TP63: variants seen among roughly 807,000 people sequenced by gnomAD.
The protein encoded by TP63 is tumor protein 63.
A neutral mutation model predicts 82.8 loss-of-function variants in TP63; 17 were observed. The ratio of observed to expected loss-of-function variants is 0.21; its 90% CI spans 0.14 to 0.31. TP63 has a LOEUF of 0.31. Among genes scored for constraint, TP63 ranks in the 10% least tolerant of loss-of-function variants. The pLI is 1.00. For synonymous variants in TP63, 330 were observed against 321.7 expected (o/e 1.03, Z -0.28); for missense variants, 648 against 895.3 (o/e 0.72, Z 3.52).
chr3:189,708,788 T>C (rs1480892798), intron 1 of TP63, among the ~76,000 whole-genome samples: 6 of 152,190 alleles, frequency 3.9e-5, no homozygotes, highest in Admixed American at 1.3e-4. Flanking sequence ...AAAAATAATA[T>C]GCGAAGGAAG....
chr3:189,681,839 C>A (rs1222986225), intron 1 of TP63, among the ~76,000 whole-genome samples: 1 of 152,208 alleles, frequency 6.6e-6, no homozygotes, highest in Admixed American at 6.5e-5. Context: ...TCTATCCCCA[C>A]AGGCTGGAAT....
At chr3:189,735,823 T>C (rs1187492780) in intron 1 of TP63, among the ~76,000 whole-genome samples, 1 of 151,870 alleles carries the variant, frequency 6.6e-6, no homozygotes, top group East Asian at 1.9e-4. Flanking sequence ...TGTGATAAAA[T>C]TGTATAAAAT....
intron 1 of TP63, chr3:189,645,344 T>TCAG: frequency 1.9e-6 from 1 of 528,030 alleles, no homozygotes; most frequent in South Asian, 2.8e-5. Context: ...TTTCTTGAAG[T>TCAG]CTAGTAAGCA....
intron 3 of TP63, among the ~76,000 whole-genome samples, chr3:189,795,466 A>G (rs1576974627): frequency 6.6e-6 from 1 of 152,172 alleles, no homozygotes; most frequent in South Asian, 2.1e-4. Flanking sequence ...CAAACTGTTT[A>G]TGATAAAGGT....
At chr3:189,837,451 C>CAAATTAAGAAATTTTAAATTGAAATCTT (rs1560238650) in intron 4 of TP63, among the ~76,000 whole-genome samples, 1 of 148,604 alleles carries the variant, frequency 6.7e-6, no homozygotes, top group Non-Finnish European at 1.5e-5. Context: ...AATCCAATTT[C>CAAATTAAGAAATTTTAAATTGAAATCTT]AAATTAAGAA....
chr3:189,866,590 T>G (rs1717754758), intron 5 of TP63, 92 bp from the exon 6 acceptor site: 12 of 1,158,434 alleles, frequency 1.0e-5, no homozygotes, highest in South Asian at 3.9e-5. Flanking sequence ...GACTATTTCT[T>G]TTGCCACCAA....
chr3:189,891,063 T>C (rs992774594), intron 13 of TP63, among the ~76,000 whole-genome samples, 181 bp downstream of exon 13: 1 of 152,242 alleles, frequency 6.6e-6, no homozygotes, highest in African/African-American at 2.4e-5. Context: ...CTATACATAT[T>C]AGAAGCTTAG....
rs149396595 is a variant in TP63, at chr3:189,803,252, C to T, written c.325-5020C>T. 1.1e-3 allele frequency among the ~76,000 whole-genome samples: 172 copies of T among 152,204 alleles called. 2 individuals carry two copies. Among genetic ancestry groups the T allele is most frequent in the Non-Finnish European group, 1.8e-3 (122 of 68,014 alleles). On this transcript the variant is annotated intron_variant, in intron 3 of 13. Transcript: ENST00000264731. ...GGCAGAGGTTGTGGTGACCCAAGAT[C>T]GTGCCATTGCACTCCAGCCTGGGCA...
chr3:189,755,855 G>C (rs1312121613), intron 3 of TP63, among the ~76,000 whole-genome samples: 1 of 152,136 alleles, frequency 6.6e-6, no homozygotes, highest in Non-Finnish European at 1.5e-5. Flanking sequence ...GTGACTGAAG[G>C]CCTGTCTAGA....
chr3:189,739,686 G>A (rs1451869101), intron 3 of TP63, among the ~76,000 whole-genome samples: 1 of 151,994 alleles, frequency 6.6e-6, no homozygotes, highest in Non-Finnish European at 1.5e-5. Context: ...ATACTTCCCA[G>A]GTAAGCTAAG....
intron 4 of TP63, among the ~76,000 whole-genome samples, chr3:189,826,778 G>A (rs1711512167): frequency 6.6e-6 from 1 of 152,174 alleles, no homozygotes; most frequent in African/African-American, 2.4e-5. Context: ...TGTATGGTAT[G>A]CATGTGCACA....
intron 4 of TP63, among the ~76,000 whole-genome samples, chr3:189,854,474 C>T (rs1487341847): frequency 6.6e-6 from 1 of 152,158 alleles, no homozygotes; most frequent in Non-Finnish European, 1.5e-5. Flanking sequence ...CTCAGGTGGT[C>T]CACCCGTCTT....
In TP63 at chr3:189,660,285, C is replaced by A. The variant is rs185123811; in HGVS notation, c.62+28708C>A. On this transcript the variant is annotated intron_variant, in intron 1 of 13. Transcript: ENST00000264731. ...CATATTGGTTAGCCAGCTATCCCAGCACCATTGATTGACTATGGAGTCCTT... is the reference window on the plus strand; with the variant it reads ...CATATTGGTTAGCCAGCTATCCCAGAACCATTGATTGACTATGGAGTCCTT... Among the ~76,000 whole-genome samples the A allele has an allele frequency of 3.3e-5, 5 of 152,174 alleles. No homozygotes were observed. The East Asian group carries it at 9.7e-4, about 29-fold the overall frequency.
At chr3:189,682,802 T>C (rs1716094057) in intron 1 of TP63, among the ~76,000 whole-genome samples, 1 of 151,904 alleles carries the variant, frequency 6.6e-6, no homozygotes, top group African/African-American at 2.4e-5. Context: ...CTTTACCTCA[T>C]TGACCCCAAA....
rs1718132941 is a variant in TP63 at position 189,869,382 on chromosome 3, A to T, written c.1188A>T (p.Pro396=). 1.2e-6 allele frequency: 2 copies of T among 1,614,078 alleles called. No individual in the cohort carries two copies. Among genetic ancestry groups the T allele is most frequent in the African/African-American group, 1.3e-5 (1 of 75,060 alleles). Residue 396 remains proline (P), a synonymous_variant, in exon 9 of 14, where the codon CCA becomes CCT. Coordinates refer to ENST00000264731, the MANE Select transcript of TP63 (RefSeq NM_003722.5). ...QMTSIKKRRS[P]DDELLYLPVR... is the part of the protein sequence containing the mutation. ...CATCCATCAAGAAACGAAGATCCCC[A>T]GATGATGAACTGTTATACTTACCAG...
the TP63 span, among the ~76,000 whole-genome samples, chr3:189,612,555 A>G: frequency 1.3e-5 from 2 of 152,172 alleles, no homozygotes; most frequent in Admixed American, 6.5e-5. Flanking sequence ...GAACTAATAC[A>G]ATAAATTGGT....
intron 10 of TP63, chr3:189,873,590 C>A: frequency 6.1e-6 from 1 of 163,676 alleles, no homozygotes; most frequent in Non-Finnish European, 1.4e-5. Context: ...AGATTGTCTT[C>A]CAGCAGTACA....
intron 1 of TP63, among the ~76,000 whole-genome samples, chr3:189,703,048 G>T (rs1717927468): frequency 6.6e-6 from 1 of 152,092 alleles, no homozygotes; most frequent in African/African-American, 2.4e-5. Flanking sequence ...GAAAAACTAG[G>T]CTAGGTTTAA....
intron 4 of TP63, among the ~76,000 whole-genome samples, chr3:189,819,073 T>C (rs1407733699): frequency 1.3e-5 from 2 of 152,234 alleles, no homozygotes; most frequent in Non-Finnish European, 2.9e-5. Context: ...TTGACCAACA[T>C]GTAAAAATAG....
Sources: allele counts gnomAD v4.1 joint callset (sites outside exome capture counted in the v4.1 genomes callset), GRCh38; gene constraint gnomAD v4.1.1; transcripts MANE v1.5; gene names NCBI Gene and HGNC (gene_info 2026-07-23, HGNC 2026-07-21).